KANSL1: variants seen among roughly 807,000 people sequenced by gnomAD.
KANSL1 encodes KAT8 regulatory NSL complex subunit 1.
Under a neutral mutation model 103.6 loss-of-function variants are expected in KANSL1, and 22 were observed. The observed-to-expected ratio is 0.21, with a 90% CI of 0.15 to 0.30. The LOEUF is 0.30. Ranked by LOEUF, KANSL1 falls within the 10% of genes least tolerant of loss-of-function variation. The pLI is 1.00. For missense variants in KANSL1, 1,337 were observed against 1,399.8 expected (o/e 0.96, Z 0.72); for synonymous variants, 600 against 527.6 (o/e 1.14, Z -1.88).
At chr17:46,155,227 G>C (rs761136913) in intron 2 of KANSL1, among the ~76,000 whole-genome samples, 1 of 141,970 alleles carries the variant, frequency 7.0e-6, no homozygotes, top group Non-Finnish European at 1.5e-5. Flanking sequence ...TTGCCATCTC[G>C]GCTCACAGCA....
intron 1 of KANSL1, among the ~76,000 whole-genome samples, chr17:46,206,637 G>A (rs536441597): frequency 3.0e-4 from 45 of 152,258 alleles, no homozygotes; most frequent in African/African-American, 1.1e-3. Flanking sequence ...GAATGAAGCT[G>A]GACCACTATA....
At position 46,171,972 on chromosome 17, in the gene KANSL1, C is replaced by A; in HGVS notation, c.172G>T (p.Asp58Tyr). 6.2e-7 allele frequency: 1 copy of A among 1,614,252 alleles called. No individual in the cohort carries two copies. Among genetic ancestry groups the A allele is most frequent in the Non-Finnish European group, 8.5e-7 (1 of 1,180,046 alleles). The part of the protein sequence containing the change: ...GTKRKAIAAE[D>Y]PSLDFRNNPT... The stretch of plus-strand genomic sequence containing the variant: ...TTATTTCGGAAATCTAGGCTGGGAT[C>A]CTCTGCAGCAATGGCTTTTCTTTTG... Residue 58 changes from aspartate to tyrosine, a missense_variant, in exon 2 of 15, where the codon GAT becomes TAT. Around this residue, in one of 2 missense-constraint regions of KANSL1, gnomAD observed 557 missense variants for 476.4 expected, o/e 1.17. Coordinates refer to ENST00000432791, the MANE Select transcript of KANSL1 (RefSeq NM_015443.4).
At chr17:46,215,386 T>C (rs1482423468) in intron 1 of KANSL1, among the ~76,000 whole-genome samples, 1 of 152,206 alleles carries the variant, frequency 6.6e-6, no homozygotes, top group African/African-American at 2.4e-5. Context: ...CCTTCAAAGC[T>C]AGTTGAGCCA....
intron 2 of KANSL1, among the ~76,000 whole-genome samples, chr17:46,159,860 G>A (rs1385581826): frequency 1.3e-5 from 2 of 152,204 alleles, no homozygotes; most frequent in African/African-American, 2.4e-5. Flanking sequence ...GTTTATTACA[G>A]TAAAGGAAAA....
At chr17:46,103,487 A>T (rs1166583826) in intron 2 of KANSL1, among the ~76,000 whole-genome samples, 5 of 152,222 alleles carry the variant, frequency 3.3e-5, no homozygotes, top group African/African-American at 1.2e-4. Flanking sequence ...ATAATTCCTT[A>T]ATGTTAAATA....
rs1034050634 is a variant in KANSL1, at chr17:46,220,303, G to A, written c.-90+3368C>T. Among the ~76,000 whole-genome samples, 47 of 150,270 alleles carry A rather than the reference G, an allele frequency of 3.1e-4. No individual in the cohort carries two copies. In the South Asian group the frequency reaches 3.1e-3, roughly 10 times the overall value. On this transcript the variant is annotated intron_variant, in intron 1 of 14. Transcript: ENST00000572904. The stretch of plus-strand genomic sequence containing the variant: ...ACGATCTCGGCTCACTGTAAACTCC[G>A]CCTCCCGGGTTCACGCCATTCTCCT...
At chr17:46,198,422 T>TTAAAAA (rs1567797004), upstream of KANSL1, among the ~76,000 whole-genome samples, 1 of 96,118 alleles carries the variant, frequency 1.0e-5, no homozygotes. Flanking sequence ...CTACTTTAAT[T>TTAAAAA]AAAAAAAAAA....
chr17:46,033,750 C>G (rs1214437640), intron 11 of KANSL1, among the ~76,000 whole-genome samples: 1 of 152,202 alleles, frequency 6.6e-6, no homozygotes, highest in African/African-American at 2.4e-5. Flanking sequence ...AAGAGGACCA[C>G]CACTGTTCAG....
chr17:46,042,789 A>G (rs928486170), intron 7 of KANSL1: 91 of 94,514 alleles, frequency 9.6e-4, no homozygotes, highest in African/African-American at 3.6e-3. Context: ...GAGTTGGGGA[A>G]AAAAAAAAAA....
intron 1 of KANSL1, among the ~76,000 whole-genome samples, chr17:46,174,613 T>C (rs2046434610): frequency 6.6e-6 from 1 of 152,268 alleles, no homozygotes; most frequent in East Asian, 1.9e-4. Context: ...AACGATAAAA[T>C]GTCCAGTGAA....
At chr17:46,083,768 G>T (rs571052124) in intron 3 of KANSL1, among the ~76,000 whole-genome samples, 10 of 152,202 alleles carry the variant, frequency 6.6e-5, no homozygotes, top group African/African-American at 2.4e-4. Flanking sequence ...AAAAACACTA[G>T]ACTTGATTAG....
intron 6 of KANSL1, among the ~76,000 whole-genome samples, chr17:46,061,544 T>C (rs1305578013): frequency 3.3e-5 from 5 of 152,144 alleles, no homozygotes; most frequent in Non-Finnish European, 5.9e-5. Context: ...AATAGCAATA[T>C]AGGCTATTCA....
chr17:46,056,248 C>A (rs964654523), intron 6 of KANSL1, among the ~76,000 whole-genome samples: 1 of 152,184 alleles, frequency 6.6e-6, no homozygotes, highest in East Asian at 1.9e-4. Flanking sequence ...ATCCACCCAC[C>A]TTGGCCTCCC....
intron 1 of KANSL1, among the ~76,000 whole-genome samples, chr17:46,220,380 C>A (rs1328320500): frequency 6.6e-6 from 1 of 151,834 alleles, no homozygotes; most frequent in Non-Finnish European, 1.5e-5. Context: ...CCACGCCCAG[C>A]TATTTTTTTG....
chr17:46,064,332 T>C (rs1186859852), intron 6 of KANSL1, among the ~76,000 whole-genome samples: 8 of 152,194 alleles, frequency 5.3e-5, no homozygotes, highest in Admixed American at 5.2e-4. Context: ...AATTCTCTCA[T>C]CTCCCTTATT....
chr17:46,059,490 G>A (rs879652770), intron 6 of KANSL1, among the ~76,000 whole-genome samples: 19 of 151,790 alleles, frequency 1.3e-4, no homozygotes, highest in Non-Finnish European at 2.2e-4. Flanking sequence ...ATGGTAGCAC[G>A]CGCCTGTAGT....
intron 4 of KANSL1, among the ~76,000 whole-genome samples, chr17:46,076,099 A>C (rs2078756887): frequency 6.6e-6 from 1 of 152,242 alleles, no homozygotes; most frequent in Admixed American, 6.5e-5. Context: ...AACATTGTTA[A>C]AAGCAAATTA....
rs186686318 is a variant in KANSL1, at chr17:46,050,195, C to T, written c.2020+338G>A. The T allele has an allele frequency of 2.1e-3, 505 of 237,548 alleles. 7 individuals are homozygous for T. Among genetic ancestry groups the T allele is most frequent in the African/African-American group, 0.011 (472 of 44,404 alleles). The allele number at this position is 237,548 out of a possible 1,614,324, so 14.7% of individuals were successfully genotyped here. On this transcript the variant is annotated intron_variant, in intron 7 of 14. Transcript: ENST00000432791. ...CCTCCCAAAGTGCTGGGATTACAGG[C>T]GTGACCCACCACGCCTGGCCCAGAC... is the stretch of plus-strand genomic sequence containing the variant.
chr17:46,043,245 T>C (rs1486887478), intron 7 of KANSL1: 5 of 152,030 alleles, frequency 3.3e-5, no homozygotes, highest in Non-Finnish European at 2.9e-5. Flanking sequence ...CCAAAAAACA[T>C]AGATTTTATT....
Sources: gnomAD v4.1 joint callset for allele counts (sites outside exome capture counted in the v4.1 genomes callset) on GRCh38, gnomAD v4.1.1 for gene constraint, gnomAD v4.1.1 regional missense constraint, MANE v1.5 for transcripts, NCBI Gene and HGNC (gene_info 2026-07-23, HGNC 2026-07-21) for gene names.